SLC22A23: variants seen among roughly 807,000 people sequenced by gnomAD.
SLC22A23 encodes solute carrier family 22 member 23.
A neutral mutation model predicts 61.0 loss-of-function variants in SLC22A23; 26 were observed. The observed-to-expected ratio is 0.43, with a 90% CI of 0.31 to 0.59. SLC22A23 has a LOEUF of 0.59. Among genes scored for constraint, SLC22A23 ranks in the 20% least tolerant of loss-of-function variants. SLC22A23 has a pLI of 0.11. For synonymous variants in SLC22A23, 430 were observed against 413.9 expected (o/e 1.04, Z -0.47); for missense variants, 796 against 934.7 (o/e 0.85, Z 1.94).
intron 1 of SLC22A23, among the ~76,000 whole-genome samples, chr6:3,418,436 G>A (rs958687635): frequency 3.9e-5 from 6 of 152,240 alleles, no homozygotes; most frequent in Admixed American, 3.3e-4. Context: ...CCTGAGCAAT[G>A]ACCAGACCTG....
chr6:3,293,147 G>A (rs1297829831), intron 5 of SLC22A23, among the ~76,000 whole-genome samples: 1 of 152,086 alleles, frequency 6.6e-6, no homozygotes, highest in Non-Finnish European at 1.5e-5. Flanking sequence ...CGGCTTTGTT[G>A]TCATCCTAGT....
chr6:3,346,686 C>T (rs1310383786), intron 3 of SLC22A23, among the ~76,000 whole-genome samples: 1 of 152,164 alleles, frequency 6.6e-6, no homozygotes, highest in Non-Finnish European at 1.5e-5. Context: ...CCCACAGCCT[C>T]TTGGGAGTCC....
rs1347959988 is a variant in SLC22A23, at chr6:3,285,217, A to C, written c.1547-106T>G. ...AGTTAGCCTAGCGTGTTCCCATGCGACTTGGTTCAAGCAAACTCCCTTCCG... is the reference window on the plus strand; with the variant it reads ...AGTTAGCCTAGCGTGTTCCCATGCGCCTTGGTTCAAGCAAACTCCCTTCCG... On this transcript the variant is annotated intron_variant, in intron 7 of 9. Coordinates refer to ENST00000406686, the MANE Select transcript of SLC22A23 (RefSeq NM_015482.2). 2.0e-6 allele frequency: 3 copies of C among 1,501,208 alleles called. No individual in the cohort carries two copies. In the African/African-American group the frequency reaches 4.1e-5, roughly 21 times the overall value. 93.0% of individuals were successfully genotyped at this position (1,501,208 alleles called of 1,614,324 possible).
At chr6:3,412,583 C>T (rs1223526161) in intron 2 of SLC22A23, among the ~76,000 whole-genome samples, 1 of 152,312 alleles carries the variant, frequency 6.6e-6, no homozygotes, top group African/African-American at 2.4e-5. Context: ...ATGCAGAGGA[C>T]TTTATCACTT....
At chr6:3,278,827 C>T (rs1731485649) in intron 9 of SLC22A23, among the ~76,000 whole-genome samples, 1 of 152,190 alleles carries the variant, frequency 6.6e-6, no homozygotes, top group Non-Finnish European at 1.5e-5. Context: ...ACAGCATTTT[C>T]TCGGAAACCT....
At chr6:3,278,777 A>G (rs987386544) in intron 9 of SLC22A23, among the ~76,000 whole-genome samples, 4 of 152,254 alleles carry the variant, frequency 2.6e-5, no homozygotes, top group African/African-American at 4.8e-5. Flanking sequence ...GCCACAGGGC[A>G]TATCAGATGC....
At chr6:3,294,269 C>T (rs1760879939) in intron 5 of SLC22A23, among the ~76,000 whole-genome samples, 1 of 150,824 alleles carries the variant, frequency 6.6e-6, no homozygotes, top group South Asian at 2.1e-4. Context: ...ATCTTACTAC[C>T]ATTTGAGCAT....
At chr6:3,302,436 T>C (rs1392479674) in intron 4 of SLC22A23, among the ~76,000 whole-genome samples, 1 of 152,194 alleles carries the variant, frequency 6.6e-6, no homozygotes, top group Non-Finnish European at 1.5e-5. Flanking sequence ...TCATGTATGA[T>C]TGCTTTGATC....
intron 1 of SLC22A23, among the ~76,000 whole-genome samples, chr6:3,448,960 G>C (rs1387165312): frequency 6.6e-6 from 1 of 152,196 alleles, no homozygotes; most frequent in African/African-American, 2.4e-5. Flanking sequence ...AAGAAGGAAA[G>C]GGAGACCTGT....
At chr6:3,343,904 A>C (rs1482051964) in intron 3 of SLC22A23, among the ~76,000 whole-genome samples, 1 of 152,234 alleles carries the variant, frequency 6.6e-6, no homozygotes, top group Non-Finnish European at 1.5e-5. Context: ...ACATTCTATA[A>C]ATATTGAGAA....
At chr6:3,411,588 T>C (rs979065627) in intron 2 of SLC22A23, among the ~76,000 whole-genome samples, 1 of 151,740 alleles carries the variant, frequency 6.6e-6, no homozygotes, top group African/African-American at 2.4e-5. Context: ...GCACTTAAAA[T>C]GGGTGGGTTT....
intron 3 of SLC22A23, among the ~76,000 whole-genome samples, chr6:3,338,164 T>C (rs1763960889): frequency 6.6e-6 from 1 of 152,244 alleles, no homozygotes; most frequent in African/African-American, 2.4e-5. Context: ...TTCCTTTGTC[T>C]TGTCATTTCT....
chr6:3,426,927 G>A (rs1260957705), intron 1 of SLC22A23, among the ~76,000 whole-genome samples: 3 of 152,194 alleles, frequency 2.0e-5, no homozygotes, highest in African/African-American at 7.2e-5. Flanking sequence ...TCATTGGGTT[G>A]GACTCTGGCT....
At chr6:3,341,352 A>G (rs1764142741) in intron 3 of SLC22A23, among the ~76,000 whole-genome samples, 1 of 152,254 alleles carries the variant, frequency 6.6e-6, no homozygotes, top group African/African-American at 2.4e-5. Context: ...TAACTTTTAT[A>G]CAGTGCAAGA....
rs541745932 is a variant in SLC22A23, at chr6:3,386,951, A to G, written c.913+23237T>C. ...ACCACCACTCCAGCCTTTGAAATCA[A>G]CAACAACCACACACAACTCTTCTCT... is the stretch of plus-strand genomic sequence containing the variant. On this transcript the variant is annotated intron_variant, in intron 3 of 9. Transcript: ENST00000406686. This position sits in a 1 kb window ranked among gnomAD's most constrained non-coding sequence, Gnocchi z 4.4. Among the ~76,000 whole-genome samples, 21 of 152,348 alleles carry G rather than the reference A, an allele frequency of 1.4e-4. 1 individual carries two copies. The East Asian group carries it at 3.5e-3, about 25-fold the overall frequency.
chr6:3,365,137 G>A (rs927040964), intron 3 of SLC22A23, among the ~76,000 whole-genome samples: 5 of 152,132 alleles, frequency 3.3e-5, no homozygotes, highest in Admixed American at 6.5e-5. Context: ...TGGTCAACAT[G>A]GTGAAACCCC....
chr6:3,415,279 G>A (rs1391118108), intron 2 of SLC22A23, among the ~76,000 whole-genome samples: 2 of 152,124 alleles, frequency 1.3e-5, no homozygotes, highest in Non-Finnish European at 2.9e-5. Flanking sequence ...GCATCTCCTG[G>A]CCAAGGACTG....
intron 3 of SLC22A23, among the ~76,000 whole-genome samples, chr6:3,341,144 A>C (rs2127422087): frequency 6.6e-6 from 1 of 152,344 alleles, no homozygotes; most frequent in South Asian, 2.1e-4. Flanking sequence ...GAGGTTGCTG[A>C]GAGGCTGGCC....
At chr6:3,293,912 C>T (rs1028751008) in intron 5 of SLC22A23, among the ~76,000 whole-genome samples, 3 of 152,200 alleles carry the variant, frequency 2.0e-5, no homozygotes, top group African/African-American at 7.2e-5. Flanking sequence ...ATCACACAGA[C>T]TCAGCCGTGC....
Sources: gnomAD v4.1 joint callset for allele counts (sites outside exome capture counted in the v4.1 genomes callset) on GRCh38, gnomAD v4.1.1 for gene constraint, Gnocchi (gnomAD v3.1) non-coding constraint, MANE v1.5 for transcripts, NCBI Gene and HGNC (gene_info 2026-07-23, HGNC 2026-07-21) for gene names.